SLC5A10: variants seen among roughly 807,000 people sequenced by gnomAD.
The protein encoded by SLC5A10 is solute carrier family 5 member 10.
A neutral mutation model predicts 68.9 loss-of-function variants in SLC5A10; 55 were observed. The ratio of observed to expected loss-of-function variants is 0.80; its 90% CI spans 0.64 to 1.00. SLC5A10 has a LOEUF of 1.00. SLC5A10 is among the 50% of genes least tolerant of loss of function. SLC5A10 has a pLI of 0.00. For synonymous variants in SLC5A10, 344 were observed against 344.8 expected (o/e 1.00, Z 0.02); for missense variants, 732 against 819.3 (o/e 0.89, Z 1.30).
At chr17:18,980,188 C>T (rs908886164) in intron 9 of SLC5A10, among the ~76,000 whole-genome samples, 3 of 152,166 alleles carry the variant, frequency 2.0e-5, no homozygotes, top group African/African-American at 7.2e-5. Context: ...CGTGGCCCTA[C>T]CCGGCCTCTC....
intron 5 of SLC5A10, among the ~76,000 whole-genome samples, chr17:18,966,012 G>A (rs1485449446): frequency 6.6e-6 from 1 of 152,216 alleles, no homozygotes; most frequent in Non-Finnish European, 1.5e-5. Flanking sequence ...AGACATCAGG[G>A]CGCCGTGTGG....
intron 9 of SLC5A10, among the ~76,000 whole-genome samples, chr17:19,009,384 G>T (rs143669183): frequency 2.0e-5 from 3 of 151,960 alleles, no homozygotes; most frequent in East Asian, 1.9e-4. Context: ...ACATGCTTTC[G>T]CCAGGCTTTG....
In SLC5A10 at chr17:19,003,697, G is replaced by C; in HGVS notation, c.983-9713G>C. The C allele has an allele frequency of 6.2e-7, 1 of 1,607,884 alleles. No individual in the cohort carries two copies. The highest frequency in any genetic ancestry group is 1.1e-5 in the South Asian group (1 of 90,630). On this transcript the variant is annotated intron_variant, in intron 9 of 14. Transcript: ENST00000395645. This position sits in a 1 kb window ranked among gnomAD's most constrained non-coding sequence, Gnocchi z 4.5. ...ACTTCTGGGGCCAGTACTCCAGGGA[G>C]GGCAGCGGCTCGGCCTCGATGGGGA...
rs375966413 is a variant in SLC5A10, at chr17:18,971,133, G to A, written c.761G>A (p.Arg254Gln). The A allele has an allele frequency of 1.1e-5, 18 of 1,613,904 alleles. No homozygotes were observed. The highest frequency in any genetic ancestry group is 6.7e-5 in the Admixed American group (4 of 60,012). ...LPRTDAMHMF[R>Q]DPHTGDLPWT... is the part of the protein sequence containing the mutation. ...CGTACAGACGCCATGCACATGTTTC[G>A]AGACCCCCACACAGGGGACCTGCCG... Residue 254 changes from arginine to glutamine, a missense_variant, in exon 8 of 15, where the codon CGA becomes CAA. Transcript: ENST00000395645. This position sits in a 1 kb window ranked among gnomAD's most constrained non-coding sequence, Gnocchi z 5.5.
Position 18,999,556 on chromosome 17 carries a change from A to G in SLC5A10, c.983-13854A>G, listed in dbSNP as rs1328399954. The stretch of plus-strand genomic sequence containing the variant: ...AATGGAGACAACACCTACTTTCCAG[A>G]GTTGTGGGGAGGATTACACAGCATG... On this transcript the variant is annotated intron_variant, in intron 9 of 14. Coordinates refer to ENST00000395645, the MANE Select transcript of SLC5A10 (RefSeq NM_001042450.4). Among the ~76,000 whole-genome samples, 4 of 152,160 alleles carry G rather than the reference A, an allele frequency of 2.6e-5. No individual in the cohort carries two copies. In the East Asian group the frequency reaches 7.7e-4, roughly 29 times the overall value.
intron 6 of SLC5A10, 47 bp downstream of exon 6, chr17:18,969,204 G>A: frequency 6.3e-7 from 1 of 1,598,962 alleles, no homozygotes; most frequent in Non-Finnish European, 8.5e-7. Context: ...CGTGTAAAGG[G>A]GTCAGAAGGC....
rs2044062155 is a variant in SLC5A10 at position 19,013,438 on chromosome 17, G to A, written c.1011G>A (p.Glu337=). The part of the protein sequence containing the change: ...PDDVGCVVPS[E]CLRACGAEVG... ...ATGTGGGCTGCGTGGTGCCGTCCGA[G>A]TGCCTGCGGGCCTGCGGGGCCGAGG... Residue 337 remains glutamate, a synonymous_variant, in exon 10 of 15, where the codon GAG becomes GAA. Transcript: ENST00000395645. 1.2e-6 allele frequency: 2 copies of A among 1,606,286 alleles called. No homozygotes were observed. The highest frequency in any genetic ancestry group is 4.5e-5 in the East Asian group (2 of 44,434).
At chr17:18,964,715 C>T (rs189317549) in intron 5 of SLC5A10, among the ~76,000 whole-genome samples, 1 of 152,250 alleles carries the variant, frequency 6.6e-6, no homozygotes, top group East Asian at 1.9e-4. Context: ...GAGTGGGAAG[C>T]TCATGGGGCT....
intron 9 of SLC5A10, chr17:18,977,214 G>C (rs974115051): frequency 6.3e-5 from 40 of 635,994 alleles, no homozygotes; most frequent in Non-Finnish European, 9.6e-5. Flanking sequence ...TGACCTCAAG[G>C]CTGTAAATGA....
chr17:18,997,475 C>T (rs6502681), intron 9 of SLC5A10, among the ~76,000 whole-genome samples: 41,548 of 152,240 alleles, frequency 0.27, 7,706 homozygotes, highest in African/African-American at 0.5. Context: ...GGGCAGCAAA[C>T]GGCACCAGCT....
Position 19,020,596 on chromosome 17 carries a change from TA to T in SLC5A10, c.*166del. On this transcript the variant is annotated 3_prime_UTR_variant, in exon 15 of 15. Coordinates refer to ENST00000395645, the MANE Select transcript of SLC5A10 (RefSeq NM_001042450.4). The stretch of plus-strand genomic sequence containing the variant: ...CAGCAAAGCGGGAGCCCTGAAAAAT[TA>T]GGGGGGAAATGGGAGAAAATAATGT... 1 of 611,098 alleles carries T rather than the reference TA, an allele frequency of 1.6e-6. No homozygotes were observed. Among genetic ancestry groups the T allele is most frequent in the Non-Finnish European group, 2.9e-6 (1 of 349,140 alleles). 37.9% of individuals were successfully genotyped at this position (611,098 alleles called of 1,614,324 possible).
chr17:18,998,475 T>A (rs1434488395), intron 9 of SLC5A10, among the ~76,000 whole-genome samples: 1 of 152,178 alleles, frequency 6.6e-6, no homozygotes, highest in East Asian at 1.9e-4. Context: ...TGTAACCTTA[T>A]GAAGGCCCCA....
At chr17:19,009,249 C>T (rs867650150) in intron 9 of SLC5A10, among the ~76,000 whole-genome samples, 4 of 152,034 alleles carry the variant, frequency 2.6e-5, no homozygotes, top group Non-Finnish European at 2.9e-5. Flanking sequence ...TGGAGTGCAG[C>T]GGTGCAATCA....
At chr17:18,979,474 T>A in intron 9 of SLC5A10, 1 of 1,556,712 alleles carries the variant, frequency 6.4e-7, no homozygotes, top group Non-Finnish European at 8.7e-7. Context: ...ATAACCAGGG[T>A]TAGGATTAAG....
In SLC5A10 at chr17:18,958,708, G is replaced by T; in HGVS notation, c.138G>T (p.Thr46=). ...CCTCTTGTCGGGCCAGTAGGAACACGGTGAATGGCTACTTCCTGGCAGGCC... is the reference window on the plus strand; with the variant it reads ...CCTCTTGTCGGGCCAGTAGGAACACTGTGAATGGCTACTTCCTGGCAGGCC... The part of the protein sequence containing the change: ...IWSSCRASRN[T]VNGYFLAGRD... Residue 46 remains threonine, a synonymous_variant, in exon 2 of 15, where the codon ACG becomes ACT. Coordinates refer to ENST00000395645, the MANE Select transcript of SLC5A10 (RefSeq NM_001042450.4). The T allele has an allele frequency of 6.2e-7, 1 of 1,614,186 alleles. No homozygotes were observed. Among genetic ancestry groups the T allele is most frequent in the Non-Finnish European group, 8.5e-7 (1 of 1,180,034 alleles).
chr17:18,984,908 G>A (rs1383248051), intron 9 of SLC5A10, among the ~76,000 whole-genome samples: 1 of 152,252 alleles, frequency 6.6e-6, no homozygotes, highest in Admixed American at 6.5e-5. Context: ...CAGGGCAACC[G>A]GCTGAGGTGC....
chr17:18,963,460 C>T (rs573035924), intron 5 of SLC5A10, among the ~76,000 whole-genome samples: 37 of 152,374 alleles, frequency 2.4e-4, no homozygotes, highest in African/African-American at 8.7e-4. Context: ...CACATCAAGG[C>T]TGGGCTTCAG....
intron 9 of SLC5A10, chr17:18,977,692 G>C (rs749024147): frequency 1.9e-6 from 3 of 1,610,268 alleles, no homozygotes; most frequent in Non-Finnish European, 2.5e-6. Flanking sequence ...GTCCAACAAA[G>C]GTCCCTCGGG....
Position 19,003,507 on chromosome 17 carries a change from C to T in SLC5A10, c.983-9903C>T, listed in dbSNP as rs775352334. 4 of 1,520,018 alleles carry T rather than the reference C, an allele frequency of 2.6e-6. No homozygotes were observed. Among genetic ancestry groups the T allele is most frequent in the East Asian group, 4.6e-5 (2 of 43,648 alleles). The allele number at this position is 1,520,018 out of a possible 1,614,324, so 94.2% of individuals were successfully genotyped here. A position where few individuals can be genotyped will look rare whatever the true frequency, so the allele number is the denominator to read the frequency against. ...GTTGGGCCATGGCTCCAGGAGTCCCCGCGCTGCCTCACCTTCTGTGCCTGG... is the reference window on the plus strand; with the variant it reads ...GTTGGGCCATGGCTCCAGGAGTCCCTGCGCTGCCTCACCTTCTGTGCCTGG... On this transcript the variant is annotated intron_variant, in intron 9 of 14. Transcript: ENST00000395645. The surrounding 1 kb of genome is among the most constrained non-coding windows in gnomAD (Gnocchi z 4.5).
Sources: gnomAD v4.1 joint callset for allele counts (sites outside exome capture counted in the v4.1 genomes callset) on GRCh38, gnomAD v4.1.1 for gene constraint, Gnocchi (gnomAD v3.1) non-coding constraint, MANE v1.5 for transcripts, NCBI Gene and HGNC (gene_info 2026-07-23, HGNC 2026-07-21) for gene names.